The following SLC25A48 variants were observed in gnomAD, a reference collection of about 807,000 sequenced individuals.
SLC25A48 encodes the protein solute carrier family 25 member 48, also known as CTC-321K16.1.
In SLC25A48, 29 loss-of-function variants were observed where a neutral mutation model predicts 32.2. The ratio of observed to expected loss-of-function variants is 0.90; its 90% confidence interval spans 0.67 to 1.23. The LOEUF is 1.23. Among genes scored for constraint, SLC25A48 ranks in the 50% most tolerant of loss-of-function variants. The probability of loss-of-function intolerance (pLI) is 0.00; values close to 1 mark genes in which losing one functional copy is unlikely to be tolerated. For synonymous variants in SLC25A48, 164 were observed against 172.3 expected (o/e 0.95, Z 0.38); for missense variants, 399 against 422.7 (o/e 0.94, Z 0.49).
At chr5:135,802,271 T>A (rs150942697) in intron 3 of SLC25A48, among the ~76,000 whole-genome samples, 6 of 151,862 alleles carry the variant, frequency 4.0e-5, no homozygotes, top group Non-Finnish European at 1.5e-5. Flanking sequence ...CCCTGTGATA[T>A]TATCTGTAAT....
intron 6 of SLC25A48, among the ~76,000 whole-genome samples, 182 bp from the exon 7 acceptor site, chr5:135,879,786 G>A (rs553724907): frequency 1.8e-4 from 27 of 152,304 alleles, no homozygotes; most frequent in African/African-American, 5.8e-4. Flanking sequence ...CAGGCATGAC[G>A]CGGGTCAGGG....
chr5:135,626,580 G>C (rs1752445755), intron 1 of SLC25A48, among the ~76,000 whole-genome samples: 1 of 152,188 alleles, frequency 6.6e-6, no homozygotes, highest in African/African-American at 2.4e-5. Context: ...GTGTGTGTGT[G>C]CTTGCATACA....
chr5:135,609,277 A>G (rs1272782544), intron 1 of SLC25A48: 2 of 152,362 alleles, frequency 1.3e-5, no homozygotes, highest in Non-Finnish European at 1.5e-5. Flanking sequence ...CTCACTGAGT[A>G]TACACTGAGC....
At chr5:135,789,076 G>A (rs987889092) in intron 3 of SLC25A48, among the ~76,000 whole-genome samples, 6 of 141,232 alleles carry the variant, frequency 4.2e-5, no homozygotes, top group East Asian at 2.2e-4. Flanking sequence ...TGTAATATCC[G>A]AGAAGAGAGA....
intron 3 of SLC25A48, among the ~76,000 whole-genome samples, chr5:135,778,362 G>A (rs1272533698): frequency 1.3e-5 from 2 of 151,344 alleles, no homozygotes; most frequent in African/African-American, 4.9e-5. Context: ...CGCAGAAGAT[G>A]TACACCCCCG....
At chr5:135,701,582 A>G (rs1401714962) in intron 3 of SLC25A48, among the ~76,000 whole-genome samples, 1 of 152,192 alleles carries the variant, frequency 6.6e-6, no homozygotes, top group Non-Finnish European at 1.5e-5. Context: ...AAGGTACACA[A>G]TAAAGGACTG....
chr5:135,842,276 A>T, intron 1 of SLC25A48, 140 bp from the exon 2 acceptor site: 1 of 808,258 alleles, frequency 1.2e-6, no homozygotes. Context: ...GCCAGTGCCT[A>T]GCACATTGGA....
intron 6 of SLC25A48, 126 bp downstream of exon 6, chr5:135,874,280 G>A: frequency 8.4e-7 from 1 of 1,187,962 alleles, no homozygotes; most frequent in Non-Finnish European, 1.1e-6. Context: ...TTATGTATCA[G>A]GTGCCACAAG....
chr5:135,833,872 C>T (rs373263919), upstream of SLC25A48, among the ~76,000 whole-genome samples: 155 of 152,290 alleles, frequency 1.0e-3, 6 homozygotes, highest in South Asian at 0.03. Context: ...ACCTGGATGA[C>T]GTGACATGAA....
chr5:135,837,251 C>T (rs544937067), intron 1 of SLC25A48, among the ~76,000 whole-genome samples: 8 of 152,190 alleles, frequency 5.3e-5, no homozygotes, highest in African/African-American at 1.9e-4. Context: ...ACTGCCATCA[C>T]CTCTCTGCCT....
At chr5:135,614,090 A>G (rs894107395) in intron 1 of SLC25A48, among the ~76,000 whole-genome samples, 1 of 152,094 alleles carries the variant, frequency 6.6e-6, no homozygotes, top group Non-Finnish European at 1.5e-5. Context: ...ATGTCTTTCC[A>G]TTTGTTGTGT....
At chr5:135,763,789 A>ACACACACACG (rs1756125696) in intron 3 of SLC25A48, among the ~76,000 whole-genome samples, 1 of 151,318 alleles carries the variant, frequency 6.6e-6, no homozygotes, top group Non-Finnish European at 1.5e-5. Flanking sequence ...ACACACACAC[A>ACACACACACG]CGAGAGAGAG....
At chr5:135,712,687 G>C (rs1035810614) in intron 3 of SLC25A48, among the ~76,000 whole-genome samples, 1 of 152,216 alleles carries the variant, frequency 6.6e-6, no homozygotes. Flanking sequence ...GAATGCTTGT[G>C]GGGAGGAGAG....
chr5:135,679,877 C>A (rs934494483), intron 3 of SLC25A48, among the ~76,000 whole-genome samples: 2 of 152,146 alleles, frequency 1.3e-5, no homozygotes, highest in African/African-American at 4.8e-5. Flanking sequence ...CGAGCTTTCT[C>A]TCCAGAGCAA....
intron 1 of SLC25A48, among the ~76,000 whole-genome samples, chr5:135,619,610 AC>A (rs2126897638): frequency 6.6e-6 from 1 of 152,294 alleles, no homozygotes; most frequent in South Asian, 2.1e-4. Flanking sequence ...ACATGGTGTC[AC>A]AGTCACTTCT....
At position 135,834,697 on chromosome 5, in the gene SLC25A48, G is replaced by T. The variant is rs1427897778; in HGVS notation, c.-151G>T. 2 of 832,182 alleles carry T rather than the reference G, an allele frequency of 2.4e-6. No individual in the cohort carries two copies. Among genetic ancestry groups the T allele is most frequent in the South Asian group, 2.0e-5 (1 of 50,570 alleles). The allele number at this position is 832,182 out of a possible 1,614,324, so 51.5% of individuals were successfully genotyped here. ...GGTGAGCGCGGCAGCCCGCGCAGCC[G>T]GTGACTGGGGGACTGGGTTTGGAGT... On this transcript the variant is annotated 5_prime_UTR_variant, in exon 1 of 8. Transcript: ENST00000681962.
intron 3 of SLC25A48, among the ~76,000 whole-genome samples, chr5:135,809,748 G>C (rs1757551734): frequency 6.6e-6 from 1 of 152,172 alleles, no homozygotes; most frequent in Non-Finnish European, 1.5e-5. Context: ...ATCATCTTTT[G>C]AGCCTAGCTG....
intron 1 of SLC25A48, among the ~76,000 whole-genome samples, chr5:135,593,901 C>T (rs1446091985): frequency 6.6e-6 from 1 of 152,190 alleles, no homozygotes; most frequent in Non-Finnish European, 1.5e-5. Flanking sequence ...GGAGTCAAGG[C>T]TTGCTAACTT....
intron 4 of SLC25A48, among the ~76,000 whole-genome samples, chr5:135,856,467 C>A (rs936438646): frequency 6.6e-6 from 1 of 152,172 alleles, no homozygotes. Flanking sequence ...GCATCTCCTG[C>A]CCCAGCCCCG....
Sources: allele counts gnomAD v4.1 joint callset (sites outside exome capture counted in the v4.1 genomes callset), GRCh38; gene constraint gnomAD v4.1.1; transcripts MANE v1.5; gene names NCBI Gene and HGNC (gene_info 2026-07-23, HGNC 2026-07-21).